ASXL1: variants seen among roughly 807,000 people sequenced by gnomAD.
ASXL1 encodes the protein ASXL transcriptional regulator 1.
In ASXL1, 65 loss-of-function variants were observed where a neutral mutation model predicts 89.1. That is an observed-to-expected ratio of 0.73 (90% CI 0.60 to 0.90). ASXL1 has a LOEUF of 0.90. Ranked by LOEUF, ASXL1 falls within the 40% of genes least tolerant of loss-of-function variation. The pLI is 0.00. For missense variants in ASXL1, 1,786 were observed against 1,942.9 expected (o/e 0.92, Z 1.52); for synonymous variants, 739 against 746.9 (o/e 0.99, Z 0.17).
In ASXL1 at chr20:32,433,005, G is replaced by T; in HGVS notation, c.1085+20G>T. ...ACAGAAGTAAGGCAGTTGGAGCTAT[G>T]AGTCCTGGTCTGGGGTTTTGAGGGG... On this transcript the variant is annotated intron_variant, in intron 11 of 12. Transcript: ENST00000375687. 6.2e-7 allele frequency: 1 copy of T among 1,613,094 alleles called. No homozygotes were observed. The highest frequency in any genetic ancestry group is 1.1e-5 in the South Asian group (1 of 90,954).
At chr20:32,432,822 A>G in intron 10 of ASXL1, 58 bp from the exon 11 acceptor site, 4 of 1,594,332 alleles carry the variant, frequency 2.5e-6, no homozygotes, top group Admixed American at 1.7e-5. Flanking sequence ...TCAGCTGTCC[A>G]TAAGACAGAC....
chr20:32,419,688 T>C (rs1319729206), intron 4 of ASXL1, among the ~76,000 whole-genome samples: 12 of 151,230 alleles, frequency 7.9e-5, no homozygotes, highest in African/African-American at 2.9e-4. Flanking sequence ...ATTTTCTTTT[T>C]TTTTTTTTTT....
At chr20:32,411,674 T>C (rs538841876) in intron 4 of ASXL1, among the ~76,000 whole-genome samples, 1 of 151,550 alleles carries the variant, frequency 6.6e-6, no homozygotes, top group East Asian at 2.0e-4. Context: ...CACAAGTAGC[T>C]GGGATTACAG....
chr20:32,359,574 C>T, intron 1 of ASXL1: 1 of 668,122 alleles, frequency 1.5e-6, no homozygotes. Flanking sequence ...GCAGACTGGG[C>T]TGTTTGCCTT....
At chr20:32,359,809 T>C in intron 1 of ASXL1, 1 of 717,848 alleles carries the variant, frequency 1.4e-6, no homozygotes, top group East Asian at 2.7e-5. Flanking sequence ...AGCTTCCTTT[T>C]GGATTACTCC....
chr20:32,407,705 T>A (rs1226977352), intron 4 of ASXL1, among the ~76,000 whole-genome samples: 1 of 152,202 alleles, frequency 6.6e-6, no homozygotes, highest in Non-Finnish European at 1.5e-5. Flanking sequence ...GCTCAAGTGA[T>A]CATCCCACCT....
At chr20:32,370,302 A>AAATC (rs1338811896) in intron 4 of ASXL1, among the ~76,000 whole-genome samples, 2 of 152,184 alleles carry the variant, frequency 1.3e-5, no homozygotes, top group Non-Finnish European at 2.9e-5. Context: ...AAGGACCAGA[A>AAATC]AATCAATGTT....
chr20:32,389,802 A>G (rs1036072301), intron 4 of ASXL1, among the ~76,000 whole-genome samples: 1 of 152,206 alleles, frequency 6.6e-6, no homozygotes, highest in South Asian at 2.1e-4. Flanking sequence ...TCCTTACCTC[A>G]GGTGATCCAC....
chr20:32,372,288 C>T (rs2048311657), intron 4 of ASXL1: 1 of 1,234,780 alleles, frequency 8.1e-7, no homozygotes, highest in Admixed American at 3.6e-5. Flanking sequence ...CTGAGATGTG[C>T]TAATTGAATA....
At chr20:32,399,602 C>T (rs766606476) in intron 4 of ASXL1, among the ~76,000 whole-genome samples, 1 of 150,280 alleles carries the variant, frequency 6.7e-6, no homozygotes, top group Admixed American at 6.6e-5. Context: ...CTTGAAGTTG[C>T]CCCATAGCTT....
At position 32,434,759 on chromosome 20, in the gene ASXL1, A is replaced by AT; in HGVS notation, c.2047_2048insT (p.Thr683IlefsTer35). Reference sequence around the variant, plus strand: ...CCCTGAGCCCAGGGGAGGCCCGAGCACCCCTGGAAAGTGTACGTCAGATCT... The same window carrying AT: ...CCCTGAGCCCAGGGGAGGCCCGAGCATCCCCTGGAAAGTGTACGTCAGATCT... On this transcript the variant is annotated frameshift_variant, in exon 13 of 13. Transcript: ENST00000375687. LOFTEE classifies it low-confidence loss of function (END_TRUNC). 1 of 1,613,376 alleles carries AT rather than the reference A, an allele frequency of 6.2e-7. No individual in the cohort carries two copies. The highest frequency in any genetic ancestry group is 8.5e-7 in the Non-Finnish European group (1 of 1,179,894).
At position 32,436,998 on chromosome 20, in the gene ASXL1, C is replaced by G; in HGVS notation, c.4286C>G (p.Ser1429Cys). 1 of 1,614,106 alleles carries G rather than the reference C, an allele frequency of 6.2e-7. No homozygotes were observed. Among genetic ancestry groups the G allele is most frequent in the Non-Finnish European group, 8.5e-7 (1 of 1,180,026 alleles). Residue 1429 changes from serine to cysteine, a missense_variant, in exon 13 of 13, where the codon TCT becomes TGT. Ser to Cys is a moderately radical substitution (Grantham distance 112, BLOSUM62 -1). Around this residue, in one of 3 missense-constraint regions of ASXL1, gnomAD observed 1,418 missense variants for 1,427.8 expected, o/e 0.99. Coordinates refer to ENST00000375687, the MANE Select transcript of ASXL1 (RefSeq NM_015338.6). ...KGLSEPLEPSSLPSQLSIKQA... is the reference protein window; with the variant it reads ...KGLSEPLEPSCLPSQLSIKQA... ...CTCAGTGAGCCTCTGGAGCCTTCTT[C>G]TCTCCCCTCCCAACTCAGCATCAAG... is the stretch of plus-strand genomic sequence containing the variant.
chr20:32,412,038 C>T (rs977112638), intron 4 of ASXL1, among the ~76,000 whole-genome samples: 1 of 152,084 alleles, frequency 6.6e-6, no homozygotes, highest in Non-Finnish European at 1.5e-5. Flanking sequence ...TTATATTTTC[C>T]CAGCCCCACT....
intron 4 of ASXL1, among the ~76,000 whole-genome samples, chr20:32,387,080 A>G (rs934361979): frequency 1.4e-4 from 22 of 152,036 alleles, no homozygotes; most frequent in African/African-American, 5.3e-4. Flanking sequence ...TGGGAGGAAC[A>G]CTTGAGGTCA....
intron 1 of ASXL1, chr20:32,359,043 G>GCCCCCCCCCC: frequency 1.7e-6 from 1 of 599,184 alleles, no homozygotes; most frequent in Non-Finnish European, 2.9e-6. Flanking sequence ...TCGCCCTCGC[G>GCCCCCCCCCC]CCCCCCCCGC....
chr20:32,363,236 G>T (rs952562362), intron 1 of ASXL1, among the ~76,000 whole-genome samples: 1 of 151,420 alleles, frequency 6.6e-6, no homozygotes. Flanking sequence ...TAAATAATTG[G>T]TAGTTACTAT....
intron 4 of ASXL1, among the ~76,000 whole-genome samples, chr20:32,392,535 C>T (rs1295748112): frequency 6.8e-6 from 1 of 147,064 alleles, no homozygotes; most frequent in African/African-American, 2.5e-5. Flanking sequence ...CCGCCTCGGC[C>T]TCCCAAAGTG....
intron 4 of ASXL1, among the ~76,000 whole-genome samples, chr20:32,395,598 G>A (rs192469033): frequency 6.6e-5 from 10 of 152,106 alleles, no homozygotes; most frequent in African/African-American, 1.9e-4. Flanking sequence ...CTTCCCCACC[G>A]CATCTGGAGT....
intron 4 of ASXL1, among the ~76,000 whole-genome samples, chr20:32,370,995 C>A (rs912052730): frequency 7.4e-6 from 1 of 135,494 alleles, no homozygotes; most frequent in African/African-American, 2.7e-5. Flanking sequence ...AAAAGCCTTG[C>A]GTGGTGGTGT....
Sources: gnomAD v4.1 joint callset for allele counts (sites outside exome capture counted in the v4.1 genomes callset) on GRCh38, gnomAD v4.1.1 for gene constraint, gnomAD v4.1.1 regional missense constraint, MANE v1.5 for transcripts, NCBI Gene and HGNC (gene_info 2026-07-23, HGNC 2026-07-21) for gene names.